The following MMP20 variants were observed in gnomAD, a reference collection of about 807,000 sequenced individuals.
MMP20 encodes matrix metalloproteinase-20.
A neutral mutation model predicts 51.8 loss-of-function variants in MMP20; 50 were observed. The ratio of observed to expected loss-of-function variants is 0.97; its 90% confidence interval spans 0.77 to 1.22. The LOEUF (loss-of-function observed/expected upper bound fraction) is 1.22, where lower values mean the gene tolerates loss of function less well. Among genes scored for constraint, MMP20 ranks in the 50% most tolerant of loss-of-function variants. MMP20 has a pLI of 0.00. For missense variants in MMP20, 663 were observed against 601.4 expected, an observed-to-expected ratio of 1.10 and a Z score of -1.07; for synonymous variants, 244 against 216.2, an observed-to-expected ratio of 1.13 and a Z score of -1.13.
At chr11:102,610,124 A>C (rs987986309) in intron 3 of MMP20, 94 bp from the exon 4 acceptor site, 12 of 1,353,594 alleles carry the variant, frequency 8.9e-6, no homozygotes, top group Non-Finnish European at 1.1e-5. Context: ...TTTGAGTAGC[A>C]TTGACACTTA....
intron 8 of MMP20, among the ~76,000 whole-genome samples, chr11:102,580,013 T>C (rs1859175165): frequency 6.6e-6 from 1 of 152,164 alleles, no homozygotes; most frequent in South Asian, 2.1e-4. Context: ...GTGTGAACAA[T>C]AAGTAAATAA....
chr11:102,619,795 G>A (rs1859724923), intron 1 of MMP20, among the ~76,000 whole-genome samples: 1 of 149,836 alleles, frequency 6.7e-6, no homozygotes, highest in African/African-American at 2.5e-5. Context: ...TTTTTACTAT[G>A]AACCTGCGTA....
intron 6 of MMP20, among the ~76,000 whole-genome samples, chr11:102,597,833 T>A (rs542863917): frequency 2.1e-4 from 32 of 152,268 alleles, no homozygotes; most frequent in Admixed American, 3.9e-4. Context: ...AATGGCGTGA[T>A]CTAAGTTCAT....
At chr11:102,588,647 T>C (rs1859280873) in intron 8 of MMP20, among the ~76,000 whole-genome samples, 1 of 152,242 alleles carries the variant, frequency 6.6e-6, no homozygotes, top group South Asian at 2.1e-4. Flanking sequence ...AAATATGCAT[T>C]TATACTGTCT....
intron 8 of MMP20, among the ~76,000 whole-genome samples, chr11:102,580,833 A>T (rs1343531788): frequency 6.6e-6 from 1 of 152,232 alleles, no homozygotes; most frequent in African/African-American, 2.4e-5. Context: ...ATAAACTGAG[A>T]ATAAAAGATG....
Position 102,617,008 on chromosome 11 carries a change from T to A in MMP20, c.178A>T (p.Met60Leu). The A allele has an allele frequency of 6.2e-7, 1 of 1,614,176 alleles. No homozygotes were observed. Among genetic ancestry groups the A allele is most frequent in the Non-Finnish European group, 8.5e-7 (1 of 1,180,010 alleles). The stretch of plus-strand genomic sequence containing the variant: ...ATGGAATTGCTTCCTCTTGCAACCA[T>A]CTCACCAATCTGGTGTCCTTCTTTA... ...TNKEGHQIGEMVARGSNSMIR... is the reference protein window; with the variant it reads ...TNKEGHQIGELVARGSNSMIR... Residue 60 changes from methionine (M) to leucine (L), a missense_variant, in exon 2 of 10, where the codon ATG (methionine) becomes TTG (leucine). By Grantham distance (15) the Met-to-Leu change is conservative. Coordinates refer to ENST00000260228, the MANE Select transcript of MMP20 (RefSeq NM_004771.4).
At chr11:102,608,916 C>A in intron 5 of MMP20, 21 bp downstream of exon 5, 1 of 1,613,134 alleles carries the variant, frequency 6.2e-7, no homozygotes, top group South Asian at 1.1e-5. Context: ...GGTGAGTCAT[C>A]AAAGAAGGTA....
intron 1 of MMP20, among the ~76,000 whole-genome samples, chr11:102,620,843 G>A (rs192148351): frequency 1.4e-4 from 22 of 152,326 alleles, no homozygotes; most frequent in Middle Eastern, 3.4e-3. Flanking sequence ...TCCAGCCCAT[G>A]CTGAGGTCTG....
intron 2 of MMP20, among the ~76,000 whole-genome samples, chr11:102,612,738 C>CTTTTTT (rs35861660): frequency 7.9e-6 from 1 of 127,184 alleles, no homozygotes; most frequent in African/African-American, 2.9e-5. Context: ...TCTTTTCTTT[C>CTTTTTT]TTTTTTTTTT....
In MMP20 at chr11:102,577,010, TGGAAATAAAAATCAAAC is replaced by T. The variant is rs1859133472; in HGVS notation, c.*299_*315del. 3.1e-6 allele frequency: 1 copy of T among 318,126 alleles called. No homozygotes were observed. Among genetic ancestry groups the T allele is most frequent in the Admixed American group, 4.6e-5 (1 of 21,594 alleles). The allele number at this position is 318,126 out of a possible 1,614,324, so 19.7% of individuals were successfully genotyped here. A position where few individuals can be genotyped will look rare whatever the true frequency, so the allele number is the denominator to read the frequency against. On this transcript the variant is annotated 3_prime_UTR_variant, in exon 10 of 10. Coordinates refer to ENST00000260228, the MANE Select transcript of MMP20 (RefSeq NM_004771.4). ...TGGAATCCACCACTAGTCTTCCTCC[TGGAAATAAAAATCAAAC>T]GGATCAATCTGCTTCAGTATATTAG...
At chr11:102,617,832 C>A (rs561934879) in intron 1 of MMP20, among the ~76,000 whole-genome samples, 1 of 152,270 alleles carries the variant, frequency 6.6e-6, no homozygotes, top group East Asian at 1.9e-4. Context: ...GATGCAGGGG[C>A]ATGCAAATAC....
chr11:102,589,137 T>C (rs1414520364), intron 8 of MMP20, among the ~76,000 whole-genome samples: 1 of 152,178 alleles, frequency 6.6e-6, no homozygotes, highest in Admixed American at 6.5e-5. Context: ...ATCGTTCTGA[T>C]TTTAGTCTAT....
chr11:102,589,626 G>T (rs1235331578), intron 8 of MMP20, among the ~76,000 whole-genome samples: 1 of 152,086 alleles, frequency 6.6e-6, no homozygotes, highest in Non-Finnish European at 1.5e-5. Flanking sequence ...GATCCAAATT[G>T]TCAGATAATT....
rs12278482 is a variant in MMP20 at position 102,577,099 on chromosome 11, T to C, written c.*227A>G. 4 of 513,292 alleles carry C rather than the reference T, an allele frequency of 7.8e-6. No individual in the cohort carries two copies. The highest frequency in any genetic ancestry group is 1.1e-5 in the Non-Finnish European group (3 of 284,360). The allele number at this position is 513,292 out of a possible 1,614,324, so 31.8% of individuals were successfully genotyped here. On this transcript the variant is annotated 3_prime_UTR_variant, in exon 10 of 10. Coordinates refer to ENST00000260228, the MANE Select transcript of MMP20 (RefSeq NM_004771.4). ...TAACTGCAGAGTGCATTGTGTTGAT[T>C]TGGATTTCGCATAAAGTTGCCCATA...
At chr11:102,623,774 C>T (rs1859781368) in intron 1 of MMP20, among the ~76,000 whole-genome samples, 1 of 152,178 alleles carries the variant, frequency 6.6e-6, no homozygotes, top group Non-Finnish European at 1.5e-5. Flanking sequence ...TCTCCCAACA[C>T]CTCAGATCCA....
intron 8 of MMP20, among the ~76,000 whole-genome samples, chr11:102,580,668 ATGCAGGGGCC>A (rs17093898): frequency 0.017 from 2,537 of 152,340 alleles, 64 homozygotes; most frequent in African/African-American, 0.058. Context: ...TGTAGACATT[ATGCAGGGGCC>A]TGCATAACAA....
At chr11:102,588,812 G>C (rs1411717341) in intron 8 of MMP20, among the ~76,000 whole-genome samples, 1 of 152,086 alleles carries the variant, frequency 6.6e-6, no homozygotes, top group African/African-American at 2.4e-5. Context: ...TTGTTTCTCT[G>C]GGAATGTCTT....
At position 102,611,767 on chromosome 11, in the gene MMP20, A is replaced by G; in HGVS notation, c.511T>C (p.Phe171Leu). The G allele has an allele frequency of 6.2e-7, 1 of 1,614,114 alleles. No homozygotes were observed. Among genetic ancestry groups the G allele is most frequent in the Non-Finnish European group, 8.5e-7 (1 of 1,180,030 alleles). ...AGTACCACAATACCTCCATTTTCAA[A>G]AGATATCATAATATCCGCTTCTCCT... ...NSGEADIMISFENGDHGDSYP... is the reference protein window; with the variant it reads ...NSGEADIMISLENGDHGDSYP... Residue 171 changes from phenylalanine (F) to leucine (L), a missense_variant, in exon 3 of 10, where the codon TTT becomes CTT. Phe to Leu is a conservative substitution (Grantham distance 22). Coordinates refer to ENST00000260228, the MANE Select transcript of MMP20 (RefSeq NM_004771.4).
intron 2 of MMP20, among the ~76,000 whole-genome samples, chr11:102,613,740 G>A (rs1490156060): frequency 6.6e-6 from 1 of 152,184 alleles, no homozygotes; most frequent in African/African-American, 2.4e-5. Context: ...CCCAGGTTTG[G>A]GGCCAAAAGA....
Sources: gnomAD v4.1 joint callset for allele counts (sites outside exome capture counted in the v4.1 genomes callset) on GRCh38, gnomAD v4.1.1 for gene constraint, MANE v1.5 for transcripts, NCBI Gene and HGNC (gene_info 2026-07-23, HGNC 2026-07-21) for gene names.